DOCK5: variants seen among roughly 807,000 people sequenced by gnomAD.
DOCK5 encodes dedicator of cytokinesis protein 5.
A neutral mutation model predicts 251.8 loss-of-function variants in DOCK5; 142 were observed. That is an observed-to-expected ratio of 0.56 (90% CI 0.49 to 0.65). DOCK5 has a LOEUF of 0.65. Among genes scored for constraint, DOCK5 ranks in the 30% least tolerant of loss-of-function variants. The pLI, the probability that DOCK5 is intolerant of heterozygous loss-of-function variation, is 0.00. For missense variants in DOCK5, 2,111 were observed against 2,312.3 expected (o/e 0.91, Z 1.79); for synonymous variants, 842 against 835.5 (o/e 1.01, Z -0.13).
intron 38 of DOCK5, among the ~76,000 whole-genome samples, chr8:25,378,677 G>C (rs1801007967): frequency 6.6e-6 from 1 of 152,180 alleles, no homozygotes; most frequent in African/African-American, 2.4e-5. Flanking sequence ...CTGAGGACGT[G>C]CTTTAGCCTG....
chr8:25,397,023 C>CA (rs751899360), intron 45 of DOCK5, among the ~76,000 whole-genome samples: 1 of 152,038 alleles, frequency 6.6e-6, no homozygotes, highest in Non-Finnish European at 1.5e-5. Context: ...AGATAGAGAC[C>CA]AGCCTGGCGA....
intron 14 of DOCK5, chr8:25,317,483 T>A (rs1805285486): frequency 5.6e-6 from 1 of 178,148 alleles, no homozygotes; most frequent in South Asian, 1.4e-4. Flanking sequence ...GTGGCCTGGG[T>A]GCTCGAATAG....
chr8:25,368,094 CA>C (rs1800810425), intron 31 of DOCK5, 97 bp from the exon 32 acceptor site: 1 of 973,106 alleles, frequency 1.0e-6, no homozygotes. Flanking sequence ...TAAGAGTGAC[CA>C]AGAGAGACAC....
intron 46 of DOCK5, 102 bp from the exon 47 acceptor site, chr8:25,400,827 C>A: frequency 7.5e-7 from 1 of 1,337,282 alleles, no homozygotes; most frequent in Admixed American, 1.8e-5. Context: ...AGCACTATGT[C>A]TAGCAGTTTA....
chr8:25,202,276 C>T (rs1801899590), intron 1 of DOCK5, among the ~76,000 whole-genome samples: 1 of 152,156 alleles, frequency 6.6e-6, no homozygotes, highest in African/African-American at 2.4e-5. Context: ...CCTCGGCCTC[C>T]CAAACTGTTG....
chr8:25,384,466 T>TA (rs111515435), intron 40 of DOCK5, among the ~76,000 whole-genome samples: 4,391 of 129,888 alleles, frequency 0.034, 143 homozygotes, highest in African/African-American at 0.084. Context: ...TTTATTTATT[T>TA]TTTTTTTTTT....
chr8:25,286,613 A>C (rs1804341141), intron 5 of DOCK5, among the ~76,000 whole-genome samples: 1 of 151,632 alleles, frequency 6.6e-6, no homozygotes, highest in Non-Finnish European at 1.5e-5. Context: ...GAATGGTAGA[A>C]GACCAGAGAA....
chr8:25,390,603 A>C (rs1801240506), intron 42 of DOCK5, among the ~76,000 whole-genome samples: 1 of 152,164 alleles, frequency 6.6e-6, no homozygotes, highest in Non-Finnish European at 1.5e-5. Flanking sequence ...TGGTTTTTTT[A>C]GGCAGAGGAA....
At chr8:25,397,016 T>C (rs936334253) in intron 45 of DOCK5, among the ~76,000 whole-genome samples, 2 of 152,086 alleles carry the variant, frequency 1.3e-5, no homozygotes, top group Non-Finnish European at 2.9e-5. Flanking sequence ...GGCCAAGAGA[T>C]AGAGACCAGC....
Position 25,312,085 on chromosome 8 carries a change from A to C in DOCK5, c.1318+1553A>C, listed in dbSNP as rs570220303. Among the ~76,000 whole-genome samples, 7 of 152,278 alleles carry C rather than the reference A, an allele frequency of 4.6e-5. No individual in the cohort carries two copies. The East Asian group carries it at 1.4e-3, about 29-fold the overall frequency. Reference sequence around the variant, plus strand: ...AATGAATAAAAATGTTATAAAATGGAGATCACTCTTTTTTCCTTTTCTCAT... The same window carrying C: ...AATGAATAAAAATGTTATAAAATGGCGATCACTCTTTTTTCCTTTTCTCAT... On this transcript the variant is annotated intron_variant, in intron 13 of 51. Transcript: ENST00000276440.
At chr8:25,401,917 A>T (rs994538146) in intron 47 of DOCK5, among the ~76,000 whole-genome samples, 1 of 152,194 alleles carries the variant, frequency 6.6e-6, no homozygotes. Flanking sequence ...ATTACATTTC[A>T]TATGCATGTA....
At chr8:25,410,939 ATGTGTGTGTGTGTGTG>A (rs763758410) in intron 51 of DOCK5, among the ~76,000 whole-genome samples, 6 of 102,062 alleles carry the variant, frequency 5.9e-5, no homozygotes, top group African/African-American at 2.0e-4. Flanking sequence ...GAGAGAGAAA[ATGTGTGTGTGTGTGTG>A]TGTGTGTGTG....
chr8:25,366,826 G>GTT (rs1234048389), intron 30 of DOCK5, 44 bp from the exon 31 acceptor site: 1 of 1,503,944 alleles, frequency 6.6e-7, no homozygotes, highest in Non-Finnish European at 9.2e-7. Flanking sequence ...CCTTATTAAT[G>GTT]TTATTTTTCA....
chr8:25,315,499 C>T (rs1008435810), intron 13 of DOCK5, among the ~76,000 whole-genome samples: 1 of 152,200 alleles, frequency 6.6e-6, no homozygotes, highest in Admixed American at 6.5e-5. Context: ...ACACCCAGCA[C>T]ACGCCTGCTG....
intron 26 of DOCK5, among the ~76,000 whole-genome samples, chr8:25,346,665 A>C (rs773866894): frequency 3.2e-5 from 4 of 125,140 alleles, no homozygotes; most frequent in Non-Finnish European, 6.8e-5. Context: ...CTCTACTAAA[A>C]ATACCAAAAT....
rs2117163310 is a variant in DOCK5, at chr8:25,299,337, G to T, written c.764+236G>T. On this transcript the variant is annotated intron_variant, in intron 8 of 51. Transcript: ENST00000276440. ...TTTAGAGATCACATAAAACTCATTA[G>T]GGCTTGGAGATGGGAACAAAGAATT... is the stretch of plus-strand genomic sequence containing the variant. The T allele has an allele frequency of 6.7e-6, 3 of 447,236 alleles. No individual in the cohort carries two copies. The South Asian group carries it at 1.2e-4, about 17-fold the overall frequency. 27.7% of individuals were successfully genotyped at this position (447,236 alleles called of 1,614,324 possible). A position where few individuals can be genotyped will look rare whatever the true frequency, so the allele number is the denominator to read the frequency against.
At position 25,341,724 on chromosome 8, in the gene DOCK5, G is replaced by A. The variant is rs1329970991; in HGVS notation, c.2440-15G>A. ...TGCCTGGCAACTGAATTTGCCTTTG[G>A]TGTTTTTCTTACAGGGGGCAGCTTT... On this transcript the variant is annotated splice_polypyrimidine_tract_variant and intron_variant, in intron 23 of 51. Coordinates refer to ENST00000276440, the MANE Select transcript of DOCK5 (RefSeq NM_024940.8). The A allele has an allele frequency of 6.4e-7, 1 of 1,567,838 alleles. No individual in the cohort carries two copies. The highest frequency in any genetic ancestry group is 1.4e-5 in the African/African-American group (1 of 74,014).
intron 4 of DOCK5, chr8:25,276,917 G>C (rs1033061692): frequency 1.3e-5 from 2 of 152,192 alleles, no homozygotes; most frequent in African/African-American, 4.8e-5. Flanking sequence ...CCGTGCCTCA[G>C]GGAGGAGAGG....
At chr8:25,296,391 C>T in intron 6 of DOCK5, 122 bp from the exon 7 acceptor site, 1 of 1,287,156 alleles carries the variant, frequency 7.8e-7, no homozygotes, top group South Asian at 1.5e-5. Context: ...AGGTGTGCTT[C>T]CCTGGGCTTG....
Sources: allele counts gnomAD v4.1 joint callset (sites outside exome capture counted in the v4.1 genomes callset), GRCh38; gene constraint gnomAD v4.1.1; transcripts MANE v1.5; gene names NCBI Gene and HGNC (gene_info 2026-07-23, HGNC 2026-07-21).